The following ZNF469 variants were observed in gnomAD, a reference collection of about 807,000 sequenced individuals.
The protein encoded by ZNF469 is zinc finger protein 469.
ZNF469 carries 1 observed loss-of-function variant against 1.0 expected under a neutral mutation model. The ratio of observed to expected loss-of-function variants is 1.00; its 90% CI spans 0.35 to 4.73. The LOEUF (loss-of-function observed/expected upper bound fraction) is 4.73. Among genes scored for constraint, ZNF469 ranks in the 30% most tolerant of loss-of-function variants. ZNF469 has a pLI of 0.16. For synonymous variants in ZNF469, 2,703 were observed against 2,363.4 expected (o/e 1.14, Z -4.17); for missense variants, 6,100 against 5,356.3 (o/e 1.14, Z -4.33).
At chr16:88,132,581 A>G in the ZNF469 span, among the ~76,000 whole-genome samples, 1 of 152,148 alleles carries the variant, frequency 6.6e-6, no homozygotes. Context: ...CAGCTCTGCT[A>G]CCGTCAGGAA....
chr16:88,302,477 C>G, the ZNF469 span: 2 of 152,224 alleles, frequency 1.3e-5, no homozygotes, highest in African/African-American at 2.4e-5. Context: ...TCCAGCACTC[C>G]GTTCCTCGGC....
At chr16:88,330,690 C>T in the ZNF469 span, among the ~76,000 whole-genome samples, 1 of 152,172 alleles carries the variant, frequency 6.6e-6, no homozygotes, top group African/African-American at 2.4e-5. Flanking sequence ...GACTTCTGCC[C>T]CCAGGGAAAG....
At chr16:88,103,415 G>C in the ZNF469 span, among the ~76,000 whole-genome samples, 2 of 152,224 alleles carry the variant, frequency 1.3e-5, no homozygotes, top group African/African-American at 2.4e-5. Context: ...CCTTGCCAGA[G>C]ACCCAGCTCA....
the ZNF469 span, among the ~76,000 whole-genome samples, chr16:88,367,686 T>G: frequency 1.1e-4 from 16 of 152,198 alleles, no homozygotes; most frequent in Admixed American, 1.0e-3. Flanking sequence ...ACCTCCATTA[T>G]GCACCAGGCC....
At chr16:88,379,259 G>C (rs1279743423), upstream of ZNF469, among the ~76,000 whole-genome samples, 1 of 152,110 alleles carries the variant, frequency 6.6e-6, no homozygotes, top group Non-Finnish European at 1.5e-5. Context: ...ATGAGACCTG[G>C]CTCAGTGGCT....
chr16:88,109,155 C>T, the ZNF469 span, among the ~76,000 whole-genome samples: 1 of 152,234 alleles, frequency 6.6e-6, no homozygotes, highest in Admixed American at 6.5e-5. Context: ...GTAATGCCTT[C>T]TCCTGGGAGC....
chr16:88,208,402 C>T, the ZNF469 span, among the ~76,000 whole-genome samples: 2 of 145,446 alleles, frequency 1.4e-5, no homozygotes, highest in Non-Finnish European at 3.0e-5. Flanking sequence ...CTAGTGCGCT[C>T]ATTACTACTG....
the ZNF469 span, among the ~76,000 whole-genome samples, chr16:88,291,534 G>A: frequency 2.0e-5 from 3 of 152,270 alleles, no homozygotes; most frequent in Non-Finnish European, 1.5e-5. Context: ...GAAGACACCG[G>A]GGCTCAGCAC....
chr16:88,309,938 C>T, the ZNF469 span, among the ~76,000 whole-genome samples: 3 of 152,220 alleles, frequency 2.0e-5, no homozygotes, highest in Non-Finnish European at 2.9e-5. Flanking sequence ...AGGCCAGATC[C>T]CTCCACTGCC....
the ZNF469 span, among the ~76,000 whole-genome samples, chr16:88,195,517 C>T: frequency 6.6e-6 from 1 of 152,170 alleles, no homozygotes; most frequent in East Asian, 1.9e-4. Flanking sequence ...TTAGCTGGGG[C>T]TGTCGGCTGA....
the ZNF469 span, among the ~76,000 whole-genome samples, chr16:88,213,362 G>C: frequency 1.3e-5 from 2 of 152,180 alleles, no homozygotes; most frequent in Non-Finnish European, 2.9e-5. Flanking sequence ...GCCTCCCAAA[G>C]TGCTGGGATT....
chr16:88,156,362 C>T, the ZNF469 span, among the ~76,000 whole-genome samples: 2 of 152,164 alleles, frequency 1.3e-5, no homozygotes, highest in Non-Finnish European at 2.9e-5. Flanking sequence ...CTTTTATAGT[C>T]TTACGTCTTA....
the ZNF469 span, among the ~76,000 whole-genome samples, chr16:88,269,646 G>A: frequency 2.0e-5 from 3 of 151,850 alleles, no homozygotes; most frequent in Non-Finnish European, 2.9e-5. Flanking sequence ...CATCCTTACC[G>A]GGACGCTTGT....
At chr16:88,372,116 CCAT>C in the ZNF469 span, among the ~76,000 whole-genome samples, 1 of 34,532 alleles carries the variant, frequency 2.9e-5, no homozygotes, top group African/African-American at 9.3e-5. Context: ...ACCATCACCA[CCAT>C]CATCACCATC....
chr16:88,318,184 C>T, the ZNF469 span, among the ~76,000 whole-genome samples: 1 of 152,246 alleles, frequency 6.6e-6, no homozygotes, highest in Non-Finnish European at 1.5e-5. Flanking sequence ...TCGGGCCCAG[C>T]CTGGGCTGGA....
At chr16:88,367,874 A>C in the ZNF469 span, among the ~76,000 whole-genome samples, 2 of 152,204 alleles carry the variant, frequency 1.3e-5, no homozygotes, top group Non-Finnish European at 2.9e-5. Flanking sequence ...TCTCCAAAGC[A>C]GCCCCCACAC....
chr16:88,109,937 T>A, the ZNF469 span, among the ~76,000 whole-genome samples: 4 of 152,344 alleles, frequency 2.6e-5, no homozygotes, highest in East Asian at 5.8e-4. Flanking sequence ...GTTGAGTAAA[T>A]GTGAGTGGGT....
chr16:88,382,638 G>A (rs1429414812), upstream of ZNF469, among the ~76,000 whole-genome samples: 1 of 152,244 alleles, frequency 6.6e-6, no homozygotes, highest in East Asian at 1.9e-4. Flanking sequence ...CGTGTCATGT[G>A]TGGGCACCTG....
At chr16:88,198,822 T>C in the ZNF469 span, among the ~76,000 whole-genome samples, 1 of 152,224 alleles carries the variant, frequency 6.6e-6, no homozygotes, top group Non-Finnish European at 1.5e-5. Context: ...GCTCTGCTGG[T>C]CACGCCGGGA....
Sources: gnomAD v4.1 joint callset for allele counts (sites outside exome capture counted in the v4.1 genomes callset) on GRCh38, gnomAD v4.1.1 for gene constraint, MANE v1.5 for transcripts, NCBI Gene and HGNC (gene_info 2026-07-23, HGNC 2026-07-21) for gene names.